The following WFDC11 variants were observed in gnomAD, a reference collection of about 807,000 sequenced individuals.
The protein encoded by WFDC11 is protein WFDC11.
Under a neutral mutation model 9.9 loss-of-function variants are expected in WFDC11, and 9 were observed. The observed-to-expected ratio is 0.91, with a 90% CI of 0.55 to 1.58. The LOEUF (loss-of-function observed/expected upper bound fraction) is 1.58, where lower values mean the gene tolerates loss of function less well. WFDC11 is among the 40% of genes most tolerant of loss of function. The probability of loss-of-function intolerance (pLI) is 0.00; values close to 1 mark genes in which losing one functional copy is unlikely to be tolerated. For synonymous variants in WFDC11, 32 were observed against 33.3 expected, an observed-to-expected ratio of 0.96 and a Z score of 0.13; for missense variants, 106 against 101.7, an observed-to-expected ratio of 1.04 and a Z score of -0.18.
chr20:45,658,494 G>A (rs910522690), intron 2 of WFDC11, among the ~76,000 whole-genome samples: 1 of 151,964 alleles, frequency 6.6e-6, no homozygotes, highest in African/African-American at 2.4e-5. Context: ...GTGTGTAAAG[G>A]TGTTCATAGT....
intron 2 of WFDC11, among the ~76,000 whole-genome samples, chr20:45,654,631 A>G (rs911078777): frequency 1.3e-5 from 2 of 152,222 alleles, no homozygotes; most frequent in South Asian, 2.1e-4. Context: ...CAAAAAATCA[A>G]TGAATCCAGG....
At chr20:45,654,745 G>A (rs1178309684) in intron 2 of WFDC11, among the ~76,000 whole-genome samples, 1 of 152,008 alleles carries the variant, frequency 6.6e-6, no homozygotes, top group African/African-American at 2.4e-5. Context: ...AATGATAAAG[G>A]GGATATCAAC....
chr20:45,654,120 GA>G (rs1192929582), intron 2 of WFDC11, among the ~76,000 whole-genome samples: 1 of 151,944 alleles, frequency 6.6e-6, no homozygotes, highest in African/African-American at 2.4e-5. Flanking sequence ...CAAATCAACA[GA>G]ATATACATTC....
intron 2 of WFDC11, among the ~76,000 whole-genome samples, chr20:45,657,436 G>A (rs1266124956): frequency 1.7e-5 from 2 of 119,290 alleles, no homozygotes; most frequent in African/African-American, 6.3e-5. Flanking sequence ...CCTGTTGTGG[G>A]GTGGGGGGAG....
intron 1 of WFDC11, among the ~76,000 whole-genome samples, chr20:45,669,677 G>A (rs1053999873): frequency 1.3e-5 from 2 of 152,136 alleles, no homozygotes; most frequent in African/African-American, 2.4e-5. Flanking sequence ...TTAAACCAGT[G>A]TTGAGAGGAA....
At chr20:45,668,202 T>C (rs940656912) in intron 1 of WFDC11, among the ~76,000 whole-genome samples, 1 of 152,120 alleles carries the variant, frequency 6.6e-6, no homozygotes, top group Admixed American at 6.6e-5. Context: ...TAGATACCCT[T>C]ACAGTGCTAG....
At chr20:45,664,848 C>T (rs1025404313) in intron 2 of WFDC11, among the ~76,000 whole-genome samples, 3 of 152,160 alleles carry the variant, frequency 2.0e-5, no homozygotes, top group African/African-American at 7.2e-5. Flanking sequence ...GTGCCCTTAA[C>T]ATTTTTTCCT....
chr20:45,664,889 G>T (rs1468530214), intron 2 of WFDC11, among the ~76,000 whole-genome samples: 1 of 152,062 alleles, frequency 6.6e-6, no homozygotes, highest in Non-Finnish European at 1.5e-5. Context: ...CTAACAATTT[G>T]TGTCTTGGGG....
At position 45,662,005 on chromosome 20, in the gene WFDC11, G is replaced by A. The variant is rs558995290; in HGVS notation, c.-52+5083C>T. Among the ~76,000 whole-genome samples the A allele has an allele frequency of 3.9e-5, 6 of 152,214 alleles. No homozygotes were observed. The South Asian group carries it at 8.3e-4, about 21-fold the overall frequency. On this transcript the variant is annotated intron_variant, in intron 2 of 4. Transcript: ENST00000324384. ...TGGCATTGAATCTATAAATTACCTT[G>A]GACAGTATGGCCATTTTCATGATAT...
chr20:45,667,675 A>G (rs1163245998), intron 1 of WFDC11, among the ~76,000 whole-genome samples: 1 of 152,180 alleles, frequency 6.6e-6, no homozygotes, highest in Non-Finnish European at 1.5e-5. Flanking sequence ...AACTATACTC[A>G]AATCCTACAT....
chr20:45,657,929 C>T (rs757225670), intron 2 of WFDC11, among the ~76,000 whole-genome samples: 2 of 152,028 alleles, frequency 1.3e-5, no homozygotes, highest in African/African-American at 2.4e-5. Flanking sequence ...CTAGCAATTC[C>T]ACTATATCGA....
intron 3 of WFDC11, 57 bp downstream of exon 3, chr20:45,650,444 T>C: frequency 7.0e-7 from 1 of 1,423,110 alleles, no homozygotes; most frequent in Non-Finnish European, 9.9e-7. Flanking sequence ...CCCCCTCCCT[T>C]GTTCAGAAAC....
chr20:45,648,705 G>T lies in WFDC11; in HGVS notation c.*14C>A. On this transcript the variant is annotated 3_prime_UTR_variant, in exon 5 of 5. Transcript: ENST00000324384. ...CAGCCCACACAGGTGGCAGCCTGGT[G>T]GGAAGCTACGGTTTTAGTAATCTCC... is the stretch of plus-strand genomic sequence containing the variant. The T allele has an allele frequency of 6.2e-7, 1 of 1,614,136 alleles. No homozygotes were observed. Among genetic ancestry groups the T allele is most frequent in the South Asian group, 1.1e-5 (1 of 91,062 alleles).
Position 45,664,838 on chromosome 20 carries a change from G to T in WFDC11, c.-52+2250C>A, listed in dbSNP as rs189380059. Among the ~76,000 whole-genome samples, 3 of 152,152 alleles carry T rather than the reference G, an allele frequency of 2.0e-5. No homozygotes were observed. In the East Asian group the frequency reaches 5.8e-4, roughly 29 times the overall value. On this transcript the variant is annotated intron_variant, in intron 2 of 4. Transcript: ENST00000324384. ...TGGGTAACCTGACCCTTCTCTCTGG[G>T]TGCCCTTAACATTTTTTCCTTCATT...
chr20:45,651,834 C>T (rs989947279), intron 2 of WFDC11, among the ~76,000 whole-genome samples: 2 of 148,794 alleles, frequency 1.3e-5, no homozygotes, highest in African/African-American at 5.2e-5. Context: ...GAGCCTCACA[C>T]ATTGCTAGTA....
chr20:45,659,370 C>T (rs569388521), intron 2 of WFDC11, among the ~76,000 whole-genome samples: 109 of 152,206 alleles, frequency 7.2e-4, no homozygotes, highest in Non-Finnish European at 1.3e-3. Context: ...CTCTCTAGCA[C>T]CTGTTTTTTC....
Position 45,669,156 on chromosome 20 carries a change from C to T in WFDC11, c.-134+1022G>A, listed in dbSNP as rs6073847. ...CACAATCACAGGCCTTACACTCATC[C>T]GATGTAAACTTAAAACCCATCTTTA... On this transcript the variant is annotated intron_variant, in intron 1 of 4. Transcript: ENST00000324384. Among the ~76,000 whole-genome samples, 450 of 152,088 alleles carry T rather than the reference C, an allele frequency of 3.0e-3. 2 individuals are homozygous for T. Among genetic ancestry groups the T allele is most frequent in the Non-Finnish European group, 4.8e-3 (324 of 67,972 alleles).
chr20:45,648,801 C>T, intron 4 of WFDC11, 62 bp from the exon 5 acceptor site: 2 of 1,526,990 alleles, frequency 1.3e-6, no homozygotes. Context: ...AGCATTCATT[C>T]CCCCTGCTTA....
At chr20:45,660,551 G>T (rs973442480) in intron 2 of WFDC11, among the ~76,000 whole-genome samples, 3 of 152,068 alleles carry the variant, frequency 2.0e-5, no homozygotes, top group African/African-American at 4.8e-5. Context: ...ATCTCCCAAT[G>T]CTATCCCTCC....
Sources: gnomAD v4.1 joint callset for allele counts (sites outside exome capture counted in the v4.1 genomes callset) on GRCh38, gnomAD v4.1.1 for gene constraint, MANE v1.5 for transcripts, NCBI Gene and HGNC (gene_info 2026-07-23, HGNC 2026-07-21) for gene names.